Variants in TLN1 observed in about 807,000 individuals in gnomAD.
TLN1 encodes the protein talin-1.
TLN1 carries 56 observed loss-of-function variants against 292.3 expected under a neutral mutation model. The observed-to-expected ratio is 0.19, with a 90% confidence interval of 0.15 to 0.24. The LOEUF (loss-of-function observed/expected upper bound fraction) is 0.24, where lower values mean the gene tolerates loss of function less well. TLN1 is among the 10% of genes least tolerant of loss of function. The pLI, the probability that TLN1 is intolerant of heterozygous loss-of-function variation, is 1.00. For missense variants in TLN1, 2,433 were observed against 3,248.2 expected (o/e 0.75, Z 6.10); for synonymous variants, 1,119 against 1,253.7 (o/e 0.89, Z 2.27).
Position 35,714,769 on chromosome 9 carries a change from C to G in TLN1, c.2862G>C (p.Gln954His). ...ASAGPQPLLV[Q>H]SCKAVAEQIP... ...CTTCCTAGAGTCTTACCTTGCAGCT[C>G]TGCACCAGCAGGGGCTGGGGGCCGG... Residue 954 changes from glutamine (Q) to histidine (H), a missense_variant, in exon 22 of 57, where the codon CAG (glutamine) becomes CAC (histidine). Physicochemically the swap from Gln to His is conservative, Grantham distance 24. Around this residue, in one of 7 missense-constraint regions of TLN1, gnomAD observed 617 missense variants for 770.6 expected, o/e 0.80. Transcript: ENST00000314888. This position sits in a 1 kb window ranked among gnomAD's most constrained non-coding sequence, Gnocchi z 4.6. 1 of 1,596,468 alleles carries G rather than the reference C, an allele frequency of 6.3e-7. No homozygotes were observed. The highest frequency in any genetic ancestry group is 8.5e-7 in the Non-Finnish European group (1 of 1,170,294).
In TLN1 at chr9:35,699,605, A is replaced by C. The variant is rs1156659373; in HGVS notation, c.6769-144T>G. Reference sequence around the variant, plus strand: ...CCTCAAACTCCACGCTGCCTATCCAAGTACACATCATGCATCACACCTCAC... The same window carrying C: ...CCTCAAACTCCACGCTGCCTATCCACGTACACATCATGCATCACACCTCAC... On this transcript the variant is annotated intron_variant, in intron 50 of 56. Transcript: ENST00000314888. The surrounding 1 kb of genome is among the most constrained non-coding windows in gnomAD (Gnocchi z 4.0). The C allele has an allele frequency of 7.0e-7, 1 of 1,428,732 alleles. No homozygotes were observed. The highest frequency in any genetic ancestry group is 9.1e-7 in the Non-Finnish European group (1 of 1,094,972). 88.5% of individuals were successfully genotyped at this position (1,428,732 alleles called of 1,614,324 possible).
At position 35,703,509 on chromosome 9, in the gene TLN1, C is replaced by T. The variant is rs369348505; in HGVS notation, c.6474+51G>A. 7.4e-5 allele frequency: 112 copies of T among 1,522,250 alleles called. 1 individual carries two copies. The highest frequency in any genetic ancestry group is 6.8e-4 in the Middle Eastern group (4 of 5,914). 94.3% of individuals were successfully genotyped at this position (1,522,250 alleles called of 1,614,324 possible). The stretch of plus-strand genomic sequence containing the variant: ...TGTGTGGCACAGGTTCACAGGCTTT[C>T]AGGATCCCTCTCTCTGACCCTAGTC... On this transcript the variant is annotated intron_variant, in intron 48 of 56. Coordinates refer to ENST00000314888, the MANE Select transcript of TLN1 (RefSeq NM_006289.4).
Position 35,717,717 on chromosome 9 carries a change from C to T in TLN1, c.2065G>A (p.Val689Met), listed in dbSNP as rs759272319. The change falls in exon 18 of 57, where the codon GTG (valine) becomes ATG (methionine). Residue 689 changes from valine to methionine, a missense_variant. Physicochemically the swap from Val to Met is conservative, Grantham distance 21 (BLOSUM62 1). This residue lies in a region of TLN1 where 617 missense variants were observed against 770.6 expected (regional missense o/e 0.80). Transcript: ENST00000314888. This position sits in a 1 kb window ranked among gnomAD's most constrained non-coding sequence, Gnocchi z 4.7. ...CCCGAGTCCTCTGTCCGCTGGGCCA[C>T]ACTCTTGGCCTTGAGGACCAGGGCA... Reference protein sequence around the residue: ...AAALVLKAKSVAQRTEDSGLQ... With the variant: ...AAALVLKAKSMAQRTEDSGLQ... 2.5e-6 allele frequency: 4 copies of T among 1,613,802 alleles called. No homozygotes were observed. The highest frequency in any genetic ancestry group is 3.4e-6 in the Non-Finnish European group (4 of 1,179,770).
rs1006705221 is a variant in TLN1, at chr9:35,708,502, G to A, written c.4327-18C>T. On this transcript the variant is annotated intron_variant, in intron 33 of 56. Coordinates refer to ENST00000314888, the MANE Select transcript of TLN1 (RefSeq NM_006289.4). The stretch of plus-strand genomic sequence containing the variant: ...TATGCAGCCTGGGAAGAGAAAAGGG[G>A]GTGGGGGTGAGGAATAAAGATTGCA... 23 of 1,545,272 alleles carry A rather than the reference G, an allele frequency of 1.5e-5. No individual in the cohort carries two copies. In the Admixed American group the frequency reaches 2.9e-4, roughly 19 times the overall value.
chr9:35,718,698 G>A, intron 17 of TLN1, 114 bp downstream of exon 17: 1 of 800,734 alleles, frequency 1.2e-6, no homozygotes, highest in South Asian at 1.6e-5. Context: ...GGAAATAGAG[G>A]TTCAGATTGG....
chr9:35,698,763 A>G lies in TLN1; in HGVS notation c.7125+45T>C, dbSNP rs1170048003. 7.4e-6 allele frequency: 12 copies of G among 1,613,644 alleles called. No individual in the cohort carries two copies. In the East Asian group the frequency reaches 2.5e-4, roughly 33 times the overall value. On this transcript the variant is annotated intron_variant, in intron 53 of 56. Coordinates refer to ENST00000314888, the MANE Select transcript of TLN1 (RefSeq NM_006289.4). The surrounding 1 kb of genome is among the most constrained non-coding windows in gnomAD (Gnocchi z 5.3). ...GGCTATGGATGTGGATGTGGACATC[A>G]AAGTGCCAACCTGTCCCCATTCTTC...
In TLN1 at chr9:35,714,398, G is replaced by A. The variant is rs750736487; in HGVS notation, c.2986-25C>T. 1 of 1,597,336 alleles carries A rather than the reference G, an allele frequency of 6.3e-7. No individual in the cohort carries two copies. The highest frequency in any genetic ancestry group is 1.1e-5 in the South Asian group (1 of 89,644). Reference sequence around the variant, plus strand: ...GCTGTTGGGGAATAGGCAGGTGGATGAAGTGTGCCATCCTCCCTCTGGGCT... The same window carrying A: ...GCTGTTGGGGAATAGGCAGGTGGATAAAGTGTGCCATCCTCCCTCTGGGCT... On this transcript the variant is annotated intron_variant, in intron 23 of 56. Coordinates refer to ENST00000314888, the MANE Select transcript of TLN1 (RefSeq NM_006289.4). The surrounding 1 kb of genome is among the most constrained non-coding windows in gnomAD (Gnocchi z 4.6).
chr9:35,702,415 A>AAAT (rs1306616902), intron 48 of TLN1, among the ~76,000 whole-genome samples: 1 of 152,252 alleles, frequency 6.6e-6, no homozygotes, highest in Non-Finnish European at 1.5e-5. Flanking sequence ...TTACTAAGTT[A>AAAT]AAGGTGATTC....
At position 35,700,225 on chromosome 9, in the gene TLN1, C is replaced by T. The variant is rs1007964919; in HGVS notation, c.6626G>A (p.Arg2209His). Residue 2209 changes from arginine to histidine, a missense_variant, in exon 49 of 57, where the codon CGC becomes CAC. Transcript: ENST00000314888. ...CCGAAGCATATCTGCAATAGCACGGCGGCTCAGATTGGCTGTGGCAATGAC... is the reference window on the plus strand; with the variant it reads ...CCGAAGCATATCTGCAATAGCACGGTGGCTCAGATTGGCTGTGGCAATGAC... The part of the protein sequence containing the change: ...EDVIATANLS[R>H]RAIADMLRAC... 4 of 1,610,712 alleles carry T rather than the reference C, an allele frequency of 2.5e-6. No homozygotes were observed. Among genetic ancestry groups the T allele is most frequent in the Admixed American group, 1.7e-5 (1 of 59,948 alleles).
intron 1 of TLN1, among the ~76,000 whole-genome samples, chr9:35,727,835 G>A (rs1826004337): frequency 6.6e-6 from 1 of 152,148 alleles, no homozygotes; most frequent in African/African-American, 2.4e-5. Context: ...GTGAGACCCC[G>A]ATAAGGGAGC....
At position 35,719,154 on chromosome 9, in the gene TLN1, G is replaced by C. The variant is rs757816384; in HGVS notation, c.1816C>G (p.Arg606Gly). The change falls in exon 16 of 57, where the codon CGG (arginine) becomes GGG (glycine). Residue 606 changes from arginine (R) to glycine (G), a missense_variant. This residue lies in a region of TLN1 where 617 missense variants were observed against 770.6 expected (regional missense o/e 0.80). Coordinates refer to ENST00000314888, the MANE Select transcript of TLN1 (RefSeq NM_006289.4). The surrounding 1 kb of genome is among the most constrained non-coding windows in gnomAD (Gnocchi z 4.6). ...CCCTTTGCTGCCTGCAACAGGGGCC[G>C]ACCACTGCCGCCTTCGTCCTCCAGC... Reference protein sequence around the residue: ...ALLEDEGGSGRPLLQAAKGLA... With the variant: ...ALLEDEGGSGGPLLQAAKGLA... The C allele has an allele frequency of 1.2e-6, 2 of 1,614,148 alleles. No individual in the cohort carries two copies. The highest frequency in any genetic ancestry group is 1.7e-6 in the Non-Finnish European group (2 of 1,180,034).
chr9:35,714,516 A>G lies in TLN1; in HGVS notation c.2985+58T>C. ...TTGGCAGAGATTCAAACTGTGGGAG[A>G]TGGAAGCTTAGAAAGGTGGGAAGGT... On this transcript the variant is annotated intron_variant, in intron 23 of 56. Transcript: ENST00000314888. The surrounding 1 kb of genome is among the most constrained non-coding windows in gnomAD (Gnocchi z 4.6). 1 of 1,593,010 alleles carries G rather than the reference A, an allele frequency of 6.3e-7. No homozygotes were observed. Among genetic ancestry groups the G allele is most frequent in the Non-Finnish European group, 8.5e-7 (1 of 1,174,066 alleles).
intron 27 of TLN1, 76 bp from the exon 28 acceptor site, chr9:35,712,200 G>A: frequency 6.6e-7 from 1 of 1,522,740 alleles, no homozygotes; most frequent in Non-Finnish European, 8.8e-7. Context: ...CGACATGGGA[G>A]ATGACTAGCT....
At position 35,732,111 on chromosome 9, in the gene TLN1, G is replaced by A. The variant is rs1361183316; in HGVS notation, c.-70C>T. The A allele has an allele frequency of 3.3e-5, 5 of 152,630 alleles. No homozygotes were observed. The highest frequency in any genetic ancestry group is 4.4e-5 in the Non-Finnish European group (3 of 68,520). 9.5% of individuals were successfully genotyped at this position (152,630 alleles called of 1,614,324 possible). Reference sequence around the variant, plus strand: ...GGCTCTGCGCCCCGCCCGCCGGCCCGCCGCCCCGCCGCTTCTCGGGTCGCC... The same window carrying A: ...GGCTCTGCGCCCCGCCCGCCGGCCCACCGCCCCGCCGCTTCTCGGGTCGCC... On this transcript the variant is annotated 5_prime_UTR_variant, in exon 1 of 57. Transcript: ENST00000314888. The surrounding 1 kb of genome is among the most constrained non-coding windows in gnomAD (Gnocchi z 5.1).
rs757011660 is a variant in TLN1 at position 35,704,539 on chromosome 9, T to C, written c.5881-41A>G. 4.1e-5 allele frequency: 65 copies of C among 1,584,682 alleles called. No homozygotes were observed. The highest frequency in any genetic ancestry group is 5.2e-5 in the Non-Finnish European group (61 of 1,163,634). On this transcript the variant is annotated intron_variant, in intron 44 of 56. Coordinates refer to ENST00000314888, the MANE Select transcript of TLN1 (RefSeq NM_006289.4). This position sits in a 1 kb window ranked among gnomAD's most constrained non-coding sequence, Gnocchi z 6.9. Reference sequence around the variant, plus strand: ...CACATGGTGACTGTGGAAGGTGCCATGTGAAATGGAAAGGTTGCCCATGCC... The same window carrying C: ...CACATGGTGACTGTGGAAGGTGCCACGTGAAATGGAAAGGTTGCCCATGCC...
Position 35,717,853 on chromosome 9 carries a change from C to A in TLN1, c.1996-67G>T. 6.6e-7 allele frequency: 1 copy of A among 1,522,452 alleles called. No individual in the cohort carries two copies. The highest frequency in any genetic ancestry group is 8.9e-7 in the Non-Finnish European group (1 of 1,121,114). 94.3% of individuals were successfully genotyped at this position (1,522,452 alleles called of 1,614,324 possible). A position where few individuals can be genotyped will look rare whatever the true frequency, so the allele number is the denominator to read the frequency against. On this transcript the variant is annotated intron_variant, in intron 17 of 56. Coordinates refer to ENST00000314888, the MANE Select transcript of TLN1 (RefSeq NM_006289.4). This position sits in a 1 kb window ranked among gnomAD's most constrained non-coding sequence, Gnocchi z 4.7. ...GGGATTCACAGACACTTCTCAGAGG[C>A]GTAAGCTGCTTCATTATTCCCACTG...
intron 33 of TLN1, among the ~76,000 whole-genome samples, chr9:35,709,620 G>A (rs527244495): frequency 3.3e-5 from 5 of 152,288 alleles, no homozygotes; most frequent in African/African-American, 9.6e-5. Flanking sequence ...CGGGCGCGGT[G>A]GCTCACGCCT....
At position 35,724,935 on chromosome 9, in the gene TLN1, G is replaced by C. The variant is rs1294480042; in HGVS notation, c.253C>G (p.Gln85Glu). The change falls in exon 4 of 57, where the codon CAG becomes GAG. Residue 85 changes from glutamine to glutamate, a missense_variant. Around this residue, in one of 7 missense-constraint regions of TLN1, gnomAD observed 155 missense variants for 287.9 expected, o/e 0.54. Transcript: ENST00000314888. The surrounding 1 kb of genome is among the most constrained non-coding windows in gnomAD (Gnocchi z 4.7). Reference sequence around the variant, plus strand: ...AGCATACGGATCTTCAGGGGTCTCTGTTTCTTCCTGTACTCCATAGTGTCC... The same window carrying C: ...AGCATACGGATCTTCAGGGGTCTCTCTTTCTTCCTGTACTCCATAGTGTCC... ...NGDTMEYRKK[Q>E]RPLKIRMLDG... The C allele has an allele frequency of 1.2e-6, 2 of 1,614,058 alleles. No individual in the cohort carries two copies. The highest frequency in any genetic ancestry group is 1.7e-6 in the Non-Finnish European group (2 of 1,180,052).
chr9:35,720,356 A>T, intron 12 of TLN1, 77 bp downstream of exon 12: 1 of 1,558,382 alleles, frequency 6.4e-7, no homozygotes, highest in Non-Finnish European at 8.8e-7. Flanking sequence ...AGGACTCCCC[A>T]CCTCCCAAGA....
Sources: gnomAD v4.1 joint callset for allele counts (sites outside exome capture counted in the v4.1 genomes callset) on GRCh38, gnomAD v4.1.1 for gene constraint, gnomAD v4.1.1 regional missense constraint, Gnocchi (gnomAD v3.1) non-coding constraint, MANE v1.5 for transcripts, NCBI Gene and HGNC (gene_info 2026-07-23, HGNC 2026-07-21) for gene names.